The following CSMD1 variants were observed in gnomAD, a reference collection of about 807,000 sequenced individuals.
CSMD1 encodes CUB and sushi domain-containing protein 1.
CSMD1 carries 213 observed loss-of-function variants against 417.5 expected under a neutral mutation model. The ratio of observed to expected loss-of-function variants is 0.51; its 90% CI spans 0.46 to 0.57. The LOEUF (loss-of-function observed/expected upper bound fraction) is 0.57, where lower values mean the gene tolerates loss of function less well. Among genes scored for constraint, CSMD1 ranks in the 20% least tolerant of loss-of-function variants. The probability of loss-of-function intolerance (pLI) is 0.00; values close to 1 mark genes in which losing one functional copy is unlikely to be tolerated. For missense variants in CSMD1, 6,923 were observed against 4,529.7 expected, an observed-to-expected ratio of 1.53 and a Z score of -15.17; for synonymous variants, 2,862 against 1,736.8, an observed-to-expected ratio of 1.65 and a Z score of -16.11.
At chr8:3,642,390 C>G (rs1488226371) in intron 7 of CSMD1, among the ~76,000 whole-genome samples, 1 of 152,112 alleles carries the variant, frequency 6.6e-6, no homozygotes, top group Non-Finnish European at 1.5e-5. Context: ...CTTAAGTCCA[C>G]TTTCCCATGA....
At chr8:3,601,007 G>C (rs1381671978) in intron 8 of CSMD1, among the ~76,000 whole-genome samples, 1 of 152,162 alleles carries the variant, frequency 6.6e-6, no homozygotes, top group Non-Finnish European at 1.5e-5. Context: ...TAATCTCTAT[G>C]TGCAAGAATC....
At chr8:2,961,930 A>G (rs1666951444) in intron 61 of CSMD1, among the ~76,000 whole-genome samples, 2 of 152,252 alleles carry the variant, frequency 1.3e-5, no homozygotes, top group Non-Finnish European at 2.9e-5. Context: ...TGCTTCAATG[A>G]CAATATTTCT....
In CSMD1 at chr8:3,528,780, T is replaced by C. The variant is rs934402401; in HGVS notation, c.1345-35054A>G. On this transcript the variant is annotated intron_variant, in intron 10 of 69. Coordinates refer to ENST00000635120, the MANE Select transcript of CSMD1 (RefSeq NM_033225.6). ...ATTAATTTCCTGCAAAACTGAAGGTTGACAGACAGAAAACACCTGGATAAA... is the reference window on the plus strand; with the variant it reads ...ATTAATTTCCTGCAAAACTGAAGGTCGACAGACAGAAAACACCTGGATAAA... Among the ~76,000 whole-genome samples, 3 of 152,186 alleles carry C rather than the reference T, an allele frequency of 2.0e-5. No individual in the cohort carries two copies. In the East Asian group the frequency reaches 5.8e-4, roughly 29 times the overall value.
chr8:4,726,041 G>T (rs1026936520), intron 1 of CSMD1, among the ~76,000 whole-genome samples: 2 of 152,160 alleles, frequency 1.3e-5, no homozygotes, highest in Non-Finnish European at 2.9e-5. Flanking sequence ...GTCACGGTGT[G>T]AGTTCACATC....
chr8:3,941,532 G>C (rs1215183257), intron 5 of CSMD1, among the ~76,000 whole-genome samples: 1 of 152,090 alleles, frequency 6.6e-6, no homozygotes. Context: ...TAGTTTTAAA[G>C]TGCTCTCTCT....
At chr8:3,294,794 T>A (rs1005140904) in intron 25 of CSMD1, among the ~76,000 whole-genome samples, 2 of 152,134 alleles carry the variant, frequency 1.3e-5, no homozygotes, top group African/African-American at 4.8e-5. Flanking sequence ...TGCCTCCCCC[T>A]GCTTTGGCTC....
chr8:4,087,292 T>A (rs1182903745), intron 3 of CSMD1, among the ~76,000 whole-genome samples: 1 of 152,110 alleles, frequency 6.6e-6, no homozygotes, highest in Non-Finnish European at 1.5e-5. Context: ...TCCTTCCTTC[T>A]CCTTCCTGCA....
intron 26 of CSMD1, among the ~76,000 whole-genome samples, chr8:3,277,753 C>A (rs1396601945): frequency 6.6e-6 from 1 of 152,086 alleles, no homozygotes; most frequent in African/African-American, 2.4e-5. Context: ...GGGGAGAAGC[C>A]TGGGAGGCTG....
intron 1 of CSMD1, among the ~76,000 whole-genome samples, chr8:4,899,080 T>C (rs1240414376): frequency 1.3e-5 from 2 of 152,220 alleles, no homozygotes; most frequent in South Asian, 2.1e-4. Context: ...TATCCTGTGA[T>C]TTAAGTGTGA....
At chr8:4,196,249 T>C (rs73512866) in intron 3 of CSMD1, among the ~76,000 whole-genome samples, 2 of 152,240 alleles carry the variant, frequency 1.3e-5, no homozygotes, top group African/African-American at 4.8e-5. Flanking sequence ...AATAAACGTC[T>C]GCTGTGTCAA....
intron 2 of CSMD1, among the ~76,000 whole-genome samples, chr8:4,439,028 A>G (rs1366473906): frequency 2.0e-5 from 3 of 152,130 alleles, no homozygotes; most frequent in Non-Finnish European, 4.4e-5. Flanking sequence ...ATAATAAACT[A>G]TATTCTTTTT....
chr8:4,390,497 T>TTTTTTTTTTTTATTTA (rs58291340), intron 3 of CSMD1, among the ~76,000 whole-genome samples: 1 of 140,324 alleles, frequency 7.1e-6, no homozygotes, highest in African/African-American at 2.7e-5. Flanking sequence ...AAGCGTCCAT[T>TTTTTTTTTTTTATTTA]TTTATTTATT....
chr8:3,974,957 G>A (rs1221807301), intron 5 of CSMD1, among the ~76,000 whole-genome samples: 3 of 152,120 alleles, frequency 2.0e-5, no homozygotes, highest in African/African-American at 7.2e-5. Context: ...ACTAACACCT[G>A]TTAAGAATCC....
intron 5 of CSMD1, among the ~76,000 whole-genome samples, chr8:3,900,370 TGTGACAGTGCAGCTGG>T (rs909155602): frequency 5.8e-5 from 7 of 120,076 alleles, no homozygotes; most frequent in South Asian, 2.7e-4. Flanking sequence ...AGCACAGCTG[TGTGACAGTGCAGCTGG>T]GTGACAGTAT....
chr8:4,496,663 C>T, intron 2 of CSMD1, among the ~76,000 whole-genome samples: 1 of 152,090 alleles, frequency 6.6e-6, no homozygotes, highest in Non-Finnish European at 1.5e-5. Context: ...TCTCCCCCTC[C>T]CTTTATCCTG....
At chr8:4,874,047 T>A (rs1208442626) in intron 1 of CSMD1, among the ~76,000 whole-genome samples, 1 of 152,148 alleles carries the variant, frequency 6.6e-6, no homozygotes, top group Non-Finnish European at 1.5e-5. Context: ...TATCTGTGTG[T>A]CATCTACCTT....
intron 25 of CSMD1, among the ~76,000 whole-genome samples, chr8:3,292,818 C>A (rs1024557872): frequency 5.3e-5 from 8 of 151,898 alleles, no homozygotes; most frequent in African/African-American, 1.9e-4. Context: ...AGCATTTAGC[C>A]CATTTACATT....
chr8:4,117,187 T>A (rs968653694), intron 3 of CSMD1, among the ~76,000 whole-genome samples: 6 of 151,952 alleles, frequency 3.9e-5, no homozygotes, highest in Admixed American at 3.3e-4. Flanking sequence ...TTCATCTCGA[T>A]GGTTGCTGGA....
At chr8:3,272,670 G>T (rs1000322156) in intron 26 of CSMD1, among the ~76,000 whole-genome samples, 2 of 138,948 alleles carry the variant, frequency 1.4e-5, no homozygotes, top group African/African-American at 2.7e-5. Context: ...TGGATTCCTA[G>T]GTATTTTATT....
Sources: gnomAD v4.1 joint callset for allele counts (sites outside exome capture counted in the v4.1 genomes callset) on GRCh38, gnomAD v4.1.1 for gene constraint, MANE v1.5 for transcripts, NCBI Gene and HGNC (gene_info 2026-07-23, HGNC 2026-07-21) for gene names.